The following SMG6 variants were observed in gnomAD, a reference collection of about 807,000 sequenced individuals.
The protein encoded by SMG6 is SMG6 nonsense mediated mRNA decay factor, also known as telomerase-binding protein EST1A.
A neutral mutation model predicts 142.2 loss-of-function variants in SMG6; 66 were observed. The observed-to-expected ratio is 0.46, with a 90% CI of 0.38 to 0.57. The LOEUF (loss-of-function observed/expected upper bound fraction) is 0.57. Ranked by LOEUF, SMG6 falls within the 20% of genes least tolerant of loss-of-function variation. SMG6 has a pLI of 0.00. For missense variants in SMG6, 1,793 were observed against 1,832.0 expected (o/e 0.98, Z 0.39); for synonymous variants, 779 against 702.4 (o/e 1.11, Z -1.72).
At chr17:2,303,382 C>A in intron 1 of SMG6, 2 of 1,236,078 alleles carry the variant, frequency 1.6e-6, no homozygotes, top group Non-Finnish European at 2.0e-6. Context: ...GTCACCTTCG[C>A]GGCGAGAAAG....
intron 10 of SMG6, among the ~76,000 whole-genome samples, chr17:2,227,046 T>C (rs2073340539): frequency 1.3e-5 from 2 of 152,156 alleles, no homozygotes; most frequent in African/African-American, 4.8e-5. Flanking sequence ...ACACATTTAC[T>C]AGAATAGCTA....
intron 8 of SMG6, among the ~76,000 whole-genome samples, chr17:2,264,056 T>TA (rs2074371503): frequency 6.6e-6 from 1 of 152,152 alleles, no homozygotes; most frequent in Admixed American, 6.5e-5. Context: ...GGCAGTGTGT[T>TA]ACTATATAAA....
rs1370181471 is a variant in SMG6 at position 2,230,318 on chromosome 17, AAAAAAAAAAAAAAAAAAAG to A, written c.2869+6155_2869+6173del. Among the ~76,000 whole-genome samples the A allele has an allele frequency of 1.3e-3, 153 of 113,846 alleles. 6 individuals carry two copies. Among genetic ancestry groups the A allele is most frequent in the African/African-American group, 3.0e-3 (89 of 29,658 alleles). The allele number at this position is 113,846 out of a possible 152,430, so 74.7% of individuals were successfully genotyped here. ...TCCATGTCGGGGCAAAAAAAAAAAAAAAAAAAAAAAAAAAAAAAGGGAAAACCACAAACAATCAAATTGA... is the reference window on the plus strand; with the variant it reads ...TCCATGTCGGGGCAAAAAAAAAAAAAGGAAAACCACAAACAATCAAATTGA... On this transcript the variant is annotated intron_variant, in intron 10 of 18. Coordinates refer to ENST00000263073, the MANE Select transcript of SMG6 (RefSeq NM_017575.5).
chr17:2,184,131 G>C (rs1222605360), intron 12 of SMG6, among the ~76,000 whole-genome samples: 3 of 152,206 alleles, frequency 2.0e-5, no homozygotes, highest in Non-Finnish European at 4.4e-5. Context: ...GGAGGCTGAG[G>C]CGGGTGGACC....
chr17:2,175,573 C>G (rs1324738133), intron 12 of SMG6, among the ~76,000 whole-genome samples: 1 of 148,526 alleles, frequency 6.7e-6, no homozygotes, highest in Non-Finnish European at 1.5e-5. Context: ...CCACTAGGGA[C>G]CCCTGCCCAC....
At chr17:2,113,566 T>A (rs893398601) in intron 13 of SMG6, among the ~76,000 whole-genome samples, 24 of 152,238 alleles carry the variant, frequency 1.6e-4, no homozygotes, top group African/African-American at 5.8e-4. Flanking sequence ...TTATCAGGAC[T>A]GCTTTCTCTT....
chr17:2,070,484 C>T (rs1489773206), intron 15 of SMG6, among the ~76,000 whole-genome samples: 2 of 152,182 alleles, frequency 1.3e-5, no homozygotes, highest in Admixed American at 6.5e-5. Flanking sequence ...GGGAAGTGGA[C>T]GTGCGTGCCA....
At chr17:2,155,001 G>T (rs1361990486) in intron 13 of SMG6, among the ~76,000 whole-genome samples, 1 of 151,694 alleles carries the variant, frequency 6.6e-6, no homozygotes, top group African/African-American at 2.4e-5. Flanking sequence ...TCCAGCACTG[G>T]CAACAAAACA....
At position 2,109,021 on chromosome 17, in the gene SMG6, G is replaced by A. The variant is rs2151489072; in HGVS notation, c.3358-23120C>T. ...ACTAATGTCATCCCCATTTTTCAGA[G>A]AGTAAACTCAACCCCAGAGACAATA... On this transcript the variant is annotated intron_variant, in intron 13 of 18. Coordinates refer to ENST00000263073, the MANE Select transcript of SMG6 (RefSeq NM_017575.5). Among the ~76,000 whole-genome samples the A allele has an allele frequency of 1.3e-5, 2 of 152,262 alleles. 1 individual carries two copies. Among genetic ancestry groups the A allele is most frequent in the East Asian group, 3.9e-4 (2 of 5,190 alleles).
chr17:2,132,442 C>T (rs2070153644), intron 13 of SMG6, among the ~76,000 whole-genome samples: 1 of 152,308 alleles, frequency 6.6e-6, no homozygotes, highest in African/African-American at 2.4e-5. Flanking sequence ...CCGGTTCTCA[C>T]TGAGTTGTCT....
intron 15 of SMG6, among the ~76,000 whole-genome samples, chr17:2,076,179 G>A (rs377117848): frequency 3.2e-4 from 49 of 152,218 alleles, no homozygotes; most frequent in African/African-American, 1.1e-3. Context: ...CGTGGTTCCT[G>A]TTTTGCCACA....
At chr17:2,281,992 T>C (rs1025737453) in intron 8 of SMG6, among the ~76,000 whole-genome samples, 1 of 152,256 alleles carries the variant, frequency 6.6e-6, no homozygotes, top group Non-Finnish European at 1.5e-5. Flanking sequence ...TGCTCTCATA[T>C]ACTGGGTGTG....
rs375829354 is a variant in SMG6, at chr17:2,282,870, T to C, written c.2449-11A>G. The C allele has an allele frequency of 6.2e-7, 1 of 1,613,592 alleles. No individual in the cohort carries two copies. Among genetic ancestry groups the C allele is most frequent in the Non-Finnish European group, 8.5e-7 (1 of 1,179,560 alleles). Reference sequence around the variant, plus strand: ...TTCCATCTGTTCTGCCTATATAACATACAAACACATTAGCTCATGGCCTGG... The same window carrying C: ...TTCCATCTGTTCTGCCTATATAACACACAAACACATTAGCTCATGGCCTGG... On this transcript the variant is annotated splice_polypyrimidine_tract_variant and intron_variant, in intron 7 of 18. Transcript: ENST00000263073.
chr17:2,112,921 C>T (rs1281975956), intron 13 of SMG6, among the ~76,000 whole-genome samples: 8 of 151,768 alleles, frequency 5.3e-5, no homozygotes, highest in Non-Finnish European at 1.5e-5. Context: ...CCATGCCTGA[C>T]TAATTTTTGT....
chr17:2,249,965 T>A (rs2074011570), intron 8 of SMG6, among the ~76,000 whole-genome samples: 1 of 152,200 alleles, frequency 6.6e-6, no homozygotes, highest in Non-Finnish European at 1.5e-5. Context: ...ATGTTTTGGA[T>A]TGTTCCTGGA....
intron 1 of SMG6, among the ~76,000 whole-genome samples, chr17:2,301,716 CCT>C (rs1285692266): frequency 3.9e-5 from 6 of 152,144 alleles, no homozygotes; most frequent in Non-Finnish European, 7.4e-5. Context: ...GTGGTGGGCG[CCT>C]GTAGTCCCAG....
chr17:2,230,205 A>G (rs2073435685), intron 10 of SMG6, among the ~76,000 whole-genome samples: 2 of 116,728 alleles, frequency 1.7e-5, no homozygotes, highest in Non-Finnish European at 3.4e-5. Flanking sequence ...AAAAAAAAAA[A>G]AAAAAAAAAA....
Position 2,303,740 on chromosome 17 carries a change from G to C in SMG6, c.-20C>G, listed in dbSNP as rs931794975. 7 of 1,484,648 alleles carry C rather than the reference G, an allele frequency of 4.7e-6. No individual in the cohort carries two copies. The Admixed American group carries it at 9.2e-5, about 20-fold the overall frequency. 92.0% of individuals were successfully genotyped at this position (1,484,648 alleles called of 1,614,324 possible). On this transcript the variant is annotated 5_prime_UTR_variant, in exon 1 of 19. Coordinates refer to ENST00000263073, the MANE Select transcript of SMG6 (RefSeq NM_017575.5). ...CGCCATCTTCGCGGCTGCTGCTACA[G>C]CCGTAGCGGCTCCGCCACCGCCGCG...
chr17:2,119,537 T>C (rs538384914), intron 13 of SMG6, among the ~76,000 whole-genome samples: 2 of 152,184 alleles, frequency 1.3e-5, no homozygotes, highest in South Asian at 4.1e-4. Flanking sequence ...TCTTGCTCTG[T>C]TGCCCAGGCC....
Sources: gnomAD v4.1 joint callset for allele counts (sites outside exome capture counted in the v4.1 genomes callset) on GRCh38, gnomAD v4.1.1 for gene constraint, MANE v1.5 for transcripts, NCBI Gene and HGNC (gene_info 2026-07-23, HGNC 2026-07-21) for gene names.